The following ADRA1A variants were observed in gnomAD, a reference collection of about 807,000 sequenced individuals.
ADRA1A encodes the protein alpha-1A adrenergic receptor.
ADRA1A carries 31 observed loss-of-function variants against 29.6 expected under a neutral mutation model. That is an observed-to-expected ratio of 1.05 (90% confidence interval 0.79 to 1.41). ADRA1A has a LOEUF of 1.41. Ranked by LOEUF, ADRA1A falls within the 40% of genes most tolerant of loss-of-function variation. ADRA1A has a pLI of 0.00. For synonymous variants in ADRA1A, 311 were observed against 254.3 expected, an observed-to-expected ratio of 1.22 and a Z score of -2.12; for missense variants, 619 against 601.1, an observed-to-expected ratio of 1.03 and a Z score of -0.31.
intron 2 of ADRA1A, among the ~76,000 whole-genome samples, chr8:26,820,952 C>A (rs1408996645): frequency 6.6e-6 from 1 of 151,920 alleles, no homozygotes; most frequent in Non-Finnish European, 1.5e-5. Flanking sequence ...AGCAGTGGTG[C>A]CATCTTAGCT....
rs1813752553 is a variant in ADRA1A, at chr8:26,864,611, A to G, written c.359T>C (p.Ile120Thr). 1.2e-6 allele frequency: 2 copies of G among 1,614,086 alleles called. No individual in the cohort carries two copies. The highest frequency in any genetic ancestry group is 1.7e-6 in the Non-Finnish European group (2 of 1,180,024). ...CACGCCGATGTAGCGGTCGATGGAG[A>G]TGATGCAGAGGCCCATGATGGACGC... is the stretch of plus-strand genomic sequence containing the variant. ...CTASIMGLCI[I>T]SIDRYIGVSY... The change falls in exon 2 of 3, where the codon ATC becomes ACC. Residue 120 changes from isoleucine to threonine, a missense_variant. By Grantham distance (89) the Ile-to-Thr change is moderately conservative (BLOSUM62 -1). Coordinates refer to ENST00000380573, the MANE Select transcript of ADRA1A (RefSeq NM_000680.4). The surrounding 1 kb of genome is among the most constrained non-coding windows in gnomAD (Gnocchi z 8.1).
intron 2 of ADRA1A, chr8:26,853,626 T>C (rs1231568916): frequency 6.6e-6 from 1 of 152,212 alleles, no homozygotes; most frequent in East Asian, 1.9e-4. Flanking sequence ...AAGGAAATGA[T>C]GGATTATTTG....
intron 2 of ADRA1A, among the ~76,000 whole-genome samples, chr8:26,833,419 G>A (rs373883197): frequency 2.8e-4 from 43 of 152,248 alleles, no homozygotes; most frequent in African/African-American, 1.0e-3. Flanking sequence ...TTGAATATGG[G>A]TTCAAACTGG....
chr8:26,804,020 CAA>C (rs1808788808), intron 2 of ADRA1A, among the ~76,000 whole-genome samples: 2 of 146,252 alleles, frequency 1.4e-5, no homozygotes, highest in African/African-American at 5.1e-5. Flanking sequence ...TTCCTGGGCT[CAA>C]GAGATCCTTC....
At chr8:26,797,405 C>A (rs1300135638) in intron 2 of ADRA1A, among the ~76,000 whole-genome samples, 1 of 151,930 alleles carries the variant, frequency 6.6e-6, no homozygotes, top group Non-Finnish European at 1.5e-5. Context: ...TAAGCAATCC[C>A]CCTGACTTAG....
intron 2 of ADRA1A, among the ~76,000 whole-genome samples, chr8:26,842,557 C>G (rs2130706152): frequency 6.6e-6 from 1 of 152,162 alleles, no homozygotes; most frequent in East Asian, 1.9e-4. Flanking sequence ...ACTGCCACAC[C>G]CCTGAGCAGG....
intron 2 of ADRA1A, chr8:26,836,074 A>T (rs1187078943): frequency 6.0e-6 from 1 of 167,106 alleles, no homozygotes; most frequent in Non-Finnish European, 1.3e-5. Context: ...CACTGGTATC[A>T]TTCACACATA....
rs183089298 is a variant in ADRA1A at position 26,784,854 on chromosome 8, G to A, written c.884-14188C>T. ...TCAGAGCTCTAACCGATGGCTGAAA[G>A]CTATAGGAAGACTGATTTGGGCTGC... is the stretch of plus-strand genomic sequence containing the variant. On this transcript the variant is annotated intron_variant, in intron 2 of 2. Coordinates refer to ENST00000380573, the MANE Select transcript of ADRA1A (RefSeq NM_000680.4). Among the ~76,000 whole-genome samples, 15 of 152,322 alleles carry A rather than the reference G, an allele frequency of 9.8e-5. No individual in the cohort carries two copies. In the South Asian group the frequency reaches 1.9e-3, roughly 19 times the overall value.
At chr8:26,800,254 G>T (rs1461314049) in intron 2 of ADRA1A, among the ~76,000 whole-genome samples, 1 of 151,644 alleles carries the variant, frequency 6.6e-6, no homozygotes, top group Non-Finnish European at 1.5e-5. Context: ...GTGAGACTCG[G>T]TCTCAAAAAA....
intron 2 of ADRA1A, among the ~76,000 whole-genome samples, chr8:26,813,495 T>A (rs1809559133): frequency 6.8e-6 from 1 of 147,900 alleles, no homozygotes; most frequent in Non-Finnish European, 1.5e-5. Context: ...CATCTATCCA[T>A]CCATCCATCC....
At chr8:26,768,758 A>G (rs966761639), downstream of ADRA1A, 5 of 379,098 alleles carry the variant, frequency 1.3e-5, no homozygotes, top group Non-Finnish European at 1.4e-5. Context: ...AAAATCTGTA[A>G]TCTGAAACAC....
At chr8:26,812,875 C>T (rs1339210151) in intron 2 of ADRA1A, among the ~76,000 whole-genome samples, 2 of 151,912 alleles carry the variant, frequency 1.3e-5, no homozygotes, top group Non-Finnish European at 2.9e-5. Context: ...ACCGTGTTAG[C>T]CAGGATGGTC....
At chr8:26,826,477 A>T (rs1243420531) in intron 2 of ADRA1A, among the ~76,000 whole-genome samples, 1 of 152,230 alleles carries the variant, frequency 6.6e-6, no homozygotes, top group African/African-American at 2.4e-5. Flanking sequence ...CTCTATTGGT[A>T]TAAAGATGAC....
At chr8:26,849,976 T>C (rs1436717601) in intron 2 of ADRA1A, among the ~76,000 whole-genome samples, 4 of 89,412 alleles carry the variant, frequency 4.5e-5, no homozygotes, top group Non-Finnish European at 7.5e-5. Context: ...GAAATTCAAA[T>C]GGAAATTTAA....
intron 2 of ADRA1A, among the ~76,000 whole-genome samples, chr8:26,795,257 A>G (rs149732885): frequency 1.8e-3 from 274 of 150,778 alleles, no homozygotes; most frequent in Non-Finnish European, 2.9e-3. Flanking sequence ...ACTTAAATGA[A>G]CAACCATTGG....
At chr8:26,845,596 G>C (rs1335857140) in intron 2 of ADRA1A, among the ~76,000 whole-genome samples, 2 of 152,142 alleles carry the variant, frequency 1.3e-5, no homozygotes, top group Non-Finnish European at 2.9e-5. Context: ...ATACCTAAAA[G>C]AACTGAAAAC....
intron 2 of ADRA1A, among the ~76,000 whole-genome samples, chr8:26,751,087 AT>A (rs1290365103): frequency 1.4e-5 from 2 of 147,946 alleles, no homozygotes; most frequent in African/African-American, 5.1e-5. Flanking sequence ...AAAAAAAAAA[AT>A]TGTAAGTTGT....
At chr8:26,782,022 CG>C (rs1807022905) in intron 2 of ADRA1A, among the ~76,000 whole-genome samples, 1 of 152,212 alleles carries the variant, frequency 6.6e-6, no homozygotes, top group Non-Finnish European at 1.5e-5. Context: ...TGGACAGTTC[CG>C]GGTCCTCTCC....
At position 26,866,800 on chromosome 8, in the gene ADRA1A, G is replaced by T. The variant is rs1813935475; in HGVS notation, c.-687+136C>A. On this transcript the variant is annotated intron_variant, in intron 1 of 2. Transcript: ENST00000380573. The surrounding 1 kb of genome is among the most constrained non-coding windows in gnomAD (Gnocchi z 5.7). ...AAGATGTAAGGGAATCGGGGGTGGGGTAGAGGGGCCGGTATAAAACCTGGT... is the reference window on the plus strand; with the variant it reads ...AAGATGTAAGGGAATCGGGGGTGGGTTAGAGGGGCCGGTATAAAACCTGGT... The T allele has an allele frequency of 1.2e-6, 1 of 832,512 alleles. No individual in the cohort carries two copies. The highest frequency in any genetic ancestry group is 6.1e-4 in the Middle Eastern group (1 of 1,646). 51.6% of individuals were successfully genotyped at this position (832,512 alleles called of 1,614,324 possible).
Sources: allele counts gnomAD v4.1 joint callset (sites outside exome capture counted in the v4.1 genomes callset), GRCh38; gene constraint gnomAD v4.1.1; non-coding constraint Gnocchi (gnomAD v3.1); transcripts MANE v1.5; gene names NCBI Gene and HGNC (gene_info 2026-07-23, HGNC 2026-07-21).